Variants in AGBL4 observed in about 807,000 individuals in gnomAD.
AGBL4 encodes the protein cytosolic carboxypeptidase 6.
AGBL4 carries 58 observed loss-of-function variants against 66.4 expected under a neutral mutation model. The observed-to-expected ratio is 0.87, with a 90% CI of 0.71 to 1.09. AGBL4 has a LOEUF of 1.09. Ranked by LOEUF, AGBL4 falls within the 50% of genes least tolerant of loss-of-function variation. The pLI is 0.00. For missense variants in AGBL4, 579 were observed against 631.0 expected (o/e 0.92, Z 0.88); for synonymous variants, 234 against 222.9 (o/e 1.05, Z -0.44).
chr1:49,458,499 C>T (rs1646439390), intron 3 of AGBL4, among the ~76,000 whole-genome samples: 1 of 151,574 alleles, frequency 6.6e-6, no homozygotes, highest in African/African-American at 2.4e-5. Flanking sequence ...TATCAGCAAG[C>T]AGTGACAATC....
intron 3 of AGBL4, among the ~76,000 whole-genome samples, chr1:49,247,090 A>C (rs1206062520): frequency 6.6e-6 from 1 of 152,060 alleles, no homozygotes; most frequent in Non-Finnish European, 1.5e-5. Flanking sequence ...CAGAATTGAT[A>C]CTTGAATTCA....
chr1:48,899,911 G>C (rs1191969209), intron 5 of AGBL4, among the ~76,000 whole-genome samples: 1 of 152,042 alleles, frequency 6.6e-6, no homozygotes, highest in Non-Finnish European at 1.5e-5. Context: ...CCTTTAATAA[G>C]TATCATGAAG....
chr1:49,250,178 T>C (rs915648264), intron 3 of AGBL4, among the ~76,000 whole-genome samples: 6 of 152,208 alleles, frequency 3.9e-5, no homozygotes, highest in Non-Finnish European at 8.8e-5. Context: ...TTATAGTTAA[T>C]GACAATTTAT....
intron 3 of AGBL4, among the ~76,000 whole-genome samples, chr1:49,555,697 A>AC (rs1159304374): frequency 6.6e-6 from 1 of 150,996 alleles, no homozygotes; most frequent in Non-Finnish European, 1.5e-5. Context: ...AAAAAAAAAA[A>AC]CCCATCAAAA....
At chr1:49,214,039 C>G (rs902117279) in intron 4 of AGBL4, among the ~76,000 whole-genome samples, 1 of 152,126 alleles carries the variant, frequency 6.6e-6, no homozygotes, top group African/African-American at 2.4e-5. Flanking sequence ...TTATTAAGCT[C>G]CTACTTTTTC....
intron 2 of AGBL4, among the ~76,000 whole-genome samples, chr1:49,797,562 A>G (rs977823303): frequency 1.3e-5 from 2 of 152,052 alleles, no homozygotes; most frequent in Non-Finnish European, 2.9e-5. Flanking sequence ...CAATCTCCCA[A>G]GGATCTAGGG....
At chr1:48,603,368 G>A (rs922183104) in intron 9 of AGBL4, among the ~76,000 whole-genome samples, 2 of 152,162 alleles carry the variant, frequency 1.3e-5, no homozygotes, top group African/African-American at 4.8e-5. Context: ...TACTGGGAAG[G>A]CTGAGGCAGG....
intron 4 of AGBL4, among the ~76,000 whole-genome samples, chr1:49,150,750 G>A (rs566083069): frequency 3.9e-5 from 6 of 151,980 alleles, no homozygotes; most frequent in South Asian, 2.1e-4. Flanking sequence ...CACCCTTCTC[G>A]GATCCCTCAA....
intron 5 of AGBL4, among the ~76,000 whole-genome samples, chr1:48,875,416 T>C (rs1258884785): frequency 6.6e-6 from 1 of 151,718 alleles, no homozygotes; most frequent in Non-Finnish European, 1.5e-5. Context: ...AGAGAGAGAG[T>C]AGATAAGCGT....
chr1:48,546,525 A>G (rs1174649932), intron 11 of AGBL4, among the ~76,000 whole-genome samples: 3 of 152,172 alleles, frequency 2.0e-5, no homozygotes, highest in Non-Finnish European at 4.4e-5. Context: ...ACCTGAAATA[A>G]CACAGAAAAG....
intron 1 of AGBL4, among the ~76,000 whole-genome samples, chr1:50,005,067 C>G (rs1208150634): frequency 6.6e-6 from 1 of 152,140 alleles, no homozygotes; most frequent in Non-Finnish European, 1.5e-5. Flanking sequence ...GAGGAACTCA[C>G]AGCCCTGAAG....
intron 3 of AGBL4, among the ~76,000 whole-genome samples, chr1:49,473,200 C>T (rs865901630): frequency 6.6e-6 from 1 of 151,900 alleles, no homozygotes; most frequent in Non-Finnish European, 1.5e-5. Flanking sequence ...AATGACTGTT[C>T]TCTTTTAAGA....
At chr1:48,775,253 C>G (rs1002193371) in intron 6 of AGBL4, among the ~76,000 whole-genome samples, 8 of 152,196 alleles carry the variant, frequency 5.3e-5, no homozygotes, top group African/African-American at 1.9e-4. Context: ...CAAAAAGGGT[C>G]CAAGTGCTGC....
At chr1:49,433,992 T>C (rs1263771583) in intron 3 of AGBL4, among the ~76,000 whole-genome samples, 1 of 152,126 alleles carries the variant, frequency 6.6e-6, no homozygotes, top group Non-Finnish European at 1.5e-5. Flanking sequence ...GAGGAAGAAA[T>C]AAATTTTCAT....
intron 6 of AGBL4, among the ~76,000 whole-genome samples, chr1:48,818,742 T>C (rs1445945391): frequency 1.3e-5 from 2 of 152,150 alleles, no homozygotes; most frequent in African/African-American, 4.8e-5. Context: ...ACTAGATATT[T>C]GACATCTTCT....
chr1:49,757,273 T>A (rs1024663157), intron 2 of AGBL4, among the ~76,000 whole-genome samples: 5 of 152,380 alleles, frequency 3.3e-5, no homozygotes, highest in Middle Eastern at 3.4e-3. Flanking sequence ...CAATTAAACC[T>A]GTTTCCTTTA....
At chr1:49,938,419 A>C (rs1438651714) in intron 1 of AGBL4, among the ~76,000 whole-genome samples, 2 of 152,216 alleles carry the variant, frequency 1.3e-5, no homozygotes, top group East Asian at 3.8e-4. Context: ...CCAGAGGTAC[A>C]AGGAGGAACT....
At chr1:49,908,894 T>G (rs190395470) in intron 1 of AGBL4, among the ~76,000 whole-genome samples, 1 of 152,338 alleles carries the variant, frequency 6.6e-6, no homozygotes, top group Non-Finnish European at 1.5e-5. Context: ...CATGAATGAA[T>G]TTTAAAGGCT....
chr1:48,703,661 A>G (rs1406466741), intron 6 of AGBL4, among the ~76,000 whole-genome samples: 1 of 152,224 alleles, frequency 6.6e-6, no homozygotes, highest in African/African-American at 2.4e-5. Flanking sequence ...AGATCTTGGC[A>G]AAATAAACCT....
Sources: allele counts gnomAD v4.1 joint callset (sites outside exome capture counted in the v4.1 genomes callset), GRCh38; gene constraint gnomAD v4.1.1; transcripts MANE v1.5; gene names NCBI Gene and HGNC (gene_info 2026-07-23, HGNC 2026-07-21).